The following TMEM45A variants were observed in gnomAD, a reference collection of about 807,000 sequenced individuals.
The protein encoded by TMEM45A is DNA polymerase-transactivated protein 4.
TMEM45A carries 25 observed loss-of-function variants against 32.0 expected under a neutral mutation model. The observed-to-expected ratio is 0.78, with a 90% CI of 0.57 to 1.09. The LOEUF (loss-of-function observed/expected upper bound fraction) is 1.09. Ranked by LOEUF, TMEM45A falls within the 50% of genes least tolerant of loss-of-function variation. TMEM45A has a pLI of 0.00. For missense variants in TMEM45A, 302 were observed against 325.0 expected, an observed-to-expected ratio of 0.93 and a Z score of 0.54; for synonymous variants, 122 against 114.8, an observed-to-expected ratio of 1.06 and a Z score of -0.40.
chr3:100,507,766 T>C (rs1354348069), intron 1 of TMEM45A, among the ~76,000 whole-genome samples: 2 of 151,872 alleles, frequency 1.3e-5, no homozygotes, highest in East Asian at 3.9e-4. Context: ...GTAGATAGAG[T>C]AAGTTTATAC....
intron 5 of TMEM45A, among the ~76,000 whole-genome samples, chr3:100,575,458 C>T (rs1706664132): frequency 6.7e-6 from 1 of 149,614 alleles, no homozygotes; most frequent in South Asian, 2.1e-4. Context: ...CTGCAACCTC[C>T]ACCGCCTGGA....
chr3:100,538,769 TAAA>T (rs920893307), intron 1 of TMEM45A, among the ~76,000 whole-genome samples: 6 of 151,830 alleles, frequency 4.0e-5, no homozygotes, highest in Non-Finnish European at 8.8e-5. Context: ...GATATAAAAT[TAAA>T]AAAATATAAA....
chr3:100,497,590 A>C (rs1398388519), intron 1 of TMEM45A, among the ~76,000 whole-genome samples: 1 of 152,182 alleles, frequency 6.6e-6, no homozygotes, highest in Non-Finnish European at 1.5e-5. Flanking sequence ...TCTGGAACCA[A>C]TATTCTACTT....
At chr3:100,513,210 G>C (rs936329245) in intron 1 of TMEM45A, among the ~76,000 whole-genome samples, 386 of 151,282 alleles carry the variant, frequency 2.6e-3, no homozygotes, top group Non-Finnish European at 4.6e-3. Context: ...GATGAACATC[G>C]ATGCAAAAAT....
At chr3:100,515,632 A>T (rs919466577) in intron 1 of TMEM45A, among the ~76,000 whole-genome samples, 3 of 47,626 alleles carry the variant, frequency 6.3e-5, no homozygotes, top group African/African-American at 1.4e-4. Context: ...GTATAATAAT[A>T]AAAAAAAAAA....
In TMEM45A at chr3:100,555,414, T is replaced by C. The variant is rs376157438; in HGVS notation, c.190+13T>C. On this transcript the variant is annotated intron_variant, in intron 2 of 5. Transcript: ENST00000323523. ...ATGGCTTTAACTGGTGAGTGGACCA[T>C]TCTGTGTTCTATTTTTACCTTTTAG... 6.2e-7 allele frequency: 1 copy of C among 1,602,166 alleles called. No individual in the cohort carries two copies. The highest frequency in any genetic ancestry group is 1.3e-5 in the African/African-American group (1 of 74,288).
At chr3:100,513,531 C>T (rs1272002370) in intron 1 of TMEM45A, among the ~76,000 whole-genome samples, 6 of 150,808 alleles carry the variant, frequency 4.0e-5, no homozygotes, top group African/African-American at 1.5e-4. Flanking sequence ...ACTGAATGGG[C>T]AAAAACTGGA....
intron 4 of TMEM45A, 115 bp from the exon 5 acceptor site, chr3:100,568,707 C>A: frequency 1.1e-6 from 1 of 924,448 alleles, no homozygotes; most frequent in Non-Finnish European, 1.6e-6. Context: ...TCTGTTACAT[C>A]TTAGATAATT....
At chr3:100,523,389 A>G (rs932441412) in intron 1 of TMEM45A, among the ~76,000 whole-genome samples, 2 of 151,970 alleles carry the variant, frequency 1.3e-5, no homozygotes, top group Admixed American at 6.6e-5. Flanking sequence ...TCATTTATTT[A>G]CTCGTTTAAC....
At chr3:100,541,544 T>TC (rs1705879119) in intron 1 of TMEM45A, among the ~76,000 whole-genome samples, 2 of 107,938 alleles carry the variant, frequency 1.9e-5, no homozygotes, top group South Asian at 2.6e-4. Flanking sequence ...TTTTTTTTTT[T>TC]CTGAGACAGG....
At chr3:100,545,513 T>C (rs1342194130) in intron 1 of TMEM45A, among the ~76,000 whole-genome samples, 3 of 152,198 alleles carry the variant, frequency 2.0e-5, no homozygotes, top group East Asian at 1.9e-4. Context: ...TTCCTTCCAA[T>C]GTGAGTTTAT....
Position 100,492,758 on chromosome 3 carries a change from T to TC in TMEM45A, c.-168dup, listed in dbSNP as rs151104025. The stretch of plus-strand genomic sequence containing the variant: ...CTAGGGACCCAAGTTTAAAAATTCC[T>TC]CCCCCCACCCAATGCGAGACGTGGC... On this transcript the variant is annotated 5_prime_UTR_variant, in exon 1 of 6. Coordinates refer to ENST00000323523, the MANE Select transcript of TMEM45A (RefSeq NM_018004.3). The TC allele has an allele frequency of 3.4e-5, 5 of 146,174 alleles. No homozygotes were observed. The highest frequency in any genetic ancestry group is 4.5e-5 in the Non-Finnish European group (3 of 66,606). The allele number at this position is 146,174 out of a possible 1,614,324, so 9.1% of individuals were successfully genotyped here. A position where few individuals can be genotyped will look rare whatever the true frequency, so the allele number is the denominator to read the frequency against.
intron 1 of TMEM45A, among the ~76,000 whole-genome samples, chr3:100,512,388 G>A (rs374636103): frequency 7.9e-5 from 12 of 152,204 alleles, no homozygotes; most frequent in South Asian, 6.2e-4. Flanking sequence ...GGTACATAAC[G>A]AAATGAAGGC....
At chr3:100,570,563 C>A (rs1434606542) in intron 5 of TMEM45A, 1 of 152,400 alleles carries the variant, frequency 6.6e-6, no homozygotes, top group Admixed American at 6.5e-5. Context: ...CTTGTCAAGA[C>A]TGGCTCTGCC....
At chr3:100,554,437 C>G (rs928838747) in intron 1 of TMEM45A, among the ~76,000 whole-genome samples, 3 of 152,166 alleles carry the variant, frequency 2.0e-5, no homozygotes, top group African/African-American at 7.2e-5. Flanking sequence ...CAAGGTTGCC[C>G]AGGCAAGATA....
At chr3:100,561,911 T>C (rs762493076) in intron 4 of TMEM45A, among the ~76,000 whole-genome samples, 1 of 152,242 alleles carries the variant, frequency 6.6e-6, no homozygotes, top group East Asian at 1.9e-4. Context: ...TTTGCCTTTA[T>C]GAAGGACGAA....
chr3:100,530,149 A>G (rs1705618433), intron 1 of TMEM45A, among the ~76,000 whole-genome samples: 1 of 152,150 alleles, frequency 6.6e-6, no homozygotes, highest in African/African-American at 2.4e-5. Context: ...CTATTCTTCC[A>G]TCCATTTCTC....
At chr3:100,566,673 ATTG>A (rs1364127809) in intron 4 of TMEM45A, among the ~76,000 whole-genome samples, 2 of 151,974 alleles carry the variant, frequency 1.3e-5, no homozygotes. Context: ...TGTTATTTTT[ATTG>A]TTATTATTGC....
At chr3:100,568,760 A>G in intron 4 of TMEM45A, 62 bp from the exon 5 acceptor site, 1 of 1,475,012 alleles carries the variant, frequency 6.8e-7, no homozygotes, top group Non-Finnish European at 9.3e-7. Flanking sequence ...GTATTTTGAA[A>G]TGTACCATTT....
Sources: allele counts gnomAD v4.1 joint callset (sites outside exome capture counted in the v4.1 genomes callset), GRCh38; gene constraint gnomAD v4.1.1; transcripts MANE v1.5; gene names NCBI Gene and HGNC (gene_info 2026-07-23, HGNC 2026-07-21).